The following CSNK1G1 variants were observed in gnomAD, a reference collection of about 807,000 sequenced individuals.
The protein encoded by CSNK1G1 is casein kinase 1 gamma 1.
Under a neutral mutation model 59.6 loss-of-function variants are expected in CSNK1G1, and 22 were observed. That is an observed-to-expected ratio of 0.37 (90% CI 0.26 to 0.53). The LOEUF is 0.53. Among genes scored for constraint, CSNK1G1 ranks in the 20% least tolerant of loss-of-function variants. The pLI is 0.89. For synonymous variants in CSNK1G1, 179 were observed against 177.1 expected (o/e 1.01, Z -0.08); for missense variants, 384 against 519.5 (o/e 0.74, Z 2.54).
intron 10 of CSNK1G1, among the ~76,000 whole-genome samples, chr15:64,194,471 C>T (rs1232415176): frequency 6.6e-6 from 1 of 150,604 alleles, no homozygotes; most frequent in African/African-American, 2.4e-5. Flanking sequence ...CATAACAGCA[C>T]AAAGCCACAA....
chr15:64,246,296 T>C (rs1185872996), intron 4 of CSNK1G1, among the ~76,000 whole-genome samples: 4 of 152,166 alleles, frequency 2.6e-5, no homozygotes. Context: ...TGAGATTTTG[T>C]TTTGACTACT....
intron 2 of CSNK1G1, among the ~76,000 whole-genome samples, chr15:64,296,295 A>G (rs1479107975): frequency 6.6e-6 from 1 of 151,962 alleles, no homozygotes; most frequent in Non-Finnish European, 1.5e-5. Context: ...TAATTTTTGT[A>G]TTTTTTGTAG....
chr15:64,201,707 TGTG>T (rs905316374), intron 10 of CSNK1G1, among the ~76,000 whole-genome samples: 1 of 7,054 alleles, frequency 1.4e-4, no homozygotes, highest in Non-Finnish European at 3.6e-4. Flanking sequence ...CCATTGGACA[TGTG>T]TGTGTGTGTG....
intron 11 of CSNK1G1, among the ~76,000 whole-genome samples, chr15:64,179,585 T>C (rs935908614): frequency 9.2e-5 from 14 of 152,208 alleles, no homozygotes; most frequent in Admixed American, 2.6e-4. Context: ...CCTGGTATCT[T>C]CTTGAAGTCT....
intron 3 of CSNK1G1, among the ~76,000 whole-genome samples, chr15:64,252,578 C>T (rs1053550056): frequency 6.6e-6 from 1 of 152,158 alleles, no homozygotes; most frequent in Non-Finnish European, 1.5e-5. Context: ...TATGTATACA[C>T]ACCCTCCCCA....
At position 64,168,499 on chromosome 15, in the gene CSNK1G1, G is replaced by GTTA. The variant is rs1173857845; in HGVS notation, c.*3431_*3432insTAA. On this transcript the variant is annotated 3_prime_UTR_variant, in exon 12 of 12. Coordinates refer to ENST00000303052, the MANE Select transcript of CSNK1G1 (RefSeq NM_022048.5). ...TGTGTGCCTCAAATCTGTTTAGGAT[G>GTTA]CAATGTCTGAGGGACTGTAGAGCTT... The GTTA allele has an allele frequency of 6.6e-6, 1 of 152,222 alleles. No homozygotes were observed. Among genetic ancestry groups the GTTA allele is most frequent in the Non-Finnish European group, 1.5e-5 (1 of 68,044 alleles). 9.4% of individuals were successfully genotyped at this position (152,222 alleles called of 1,614,324 possible). A position where few individuals can be genotyped will look rare whatever the true frequency, so the allele number is the denominator to read the frequency against.
At chr15:64,184,069 C>T (rs564958352) in intron 10 of CSNK1G1, among the ~76,000 whole-genome samples, 7 of 151,956 alleles carry the variant, frequency 4.6e-5, no homozygotes, top group Admixed American at 3.3e-4. Context: ...TTTGGGAGGC[C>T]GAGGTGGGCG....
chr15:64,297,591 A>C (rs1402250934), intron 2 of CSNK1G1, among the ~76,000 whole-genome samples: 2 of 152,044 alleles, frequency 1.3e-5, no homozygotes, highest in Admixed American at 1.3e-4. Context: ...CTAGCTATTA[A>C]GGAGGCTGAA....
chr15:64,175,979 G>A (rs2081736939), intron 11 of CSNK1G1, among the ~76,000 whole-genome samples: 2 of 152,218 alleles, frequency 1.3e-5, no homozygotes, highest in African/African-American at 4.8e-5. Context: ...TAATTTGGGA[G>A]AAAATTTACT....
intron 2 of CSNK1G1, among the ~76,000 whole-genome samples, chr15:64,296,782 T>C (rs1046743839): frequency 4.6e-5 from 7 of 151,808 alleles, no homozygotes; most frequent in African/African-American, 1.7e-4. Context: ...GAGAATCACT[T>C]GAACCCGGGA....
At chr15:64,332,650 T>G (rs1157430415) in intron 1 of CSNK1G1, among the ~76,000 whole-genome samples, 1 of 148,512 alleles carries the variant, frequency 6.7e-6, no homozygotes, top group South Asian at 2.1e-4. Flanking sequence ...AATGTGCACA[T>G]GTACCCTAAA....
chr15:64,241,972 GA>G (rs1891488736), intron 4 of CSNK1G1, among the ~76,000 whole-genome samples: 1 of 150,618 alleles, frequency 6.6e-6, no homozygotes, highest in South Asian at 2.1e-4. Context: ...GACTAACCAA[GA>G]AAAAAATGAG....
chr15:64,335,129 G>T (rs556280668), intron 1 of CSNK1G1, among the ~76,000 whole-genome samples: 1 of 152,310 alleles, frequency 6.6e-6, no homozygotes, highest in South Asian at 2.1e-4. Flanking sequence ...CACATCCTGT[G>T]TGAGAAGGGT....
intron 1 of CSNK1G1, among the ~76,000 whole-genome samples, chr15:64,312,251 T>C (rs1896036135): frequency 6.6e-6 from 1 of 152,118 alleles, no homozygotes; most frequent in Admixed American, 6.5e-5. Flanking sequence ...TGGAAAAAAC[T>C]ACTTTAAACT....
chr15:64,176,421 T>A lies in CSNK1G1; in HGVS notation c.1214+3927A>T. ...GTATGTGTCTGTGTTTAGTTTCTTC[T>A]TCTGTCAAGGTAGGCTGAGTAGGCC... is the stretch of plus-strand genomic sequence containing the variant. On this transcript the variant is annotated intron_variant, in intron 11 of 11. Coordinates refer to ENST00000303052, the MANE Select transcript of CSNK1G1 (RefSeq NM_022048.5). This position sits in a 1 kb window ranked among gnomAD's most constrained non-coding sequence, Gnocchi z 5.2. 2.5e-6 allele frequency: 1 copy of A among 396,390 alleles called. No individual in the cohort carries two copies. Among genetic ancestry groups the A allele is most frequent in the Non-Finnish European group, 4.4e-6 (1 of 225,062 alleles). 24.6% of individuals were successfully genotyped at this position (396,390 alleles called of 1,614,324 possible).
chr15:64,204,215 G>A (rs1448674309), intron 9 of CSNK1G1, among the ~76,000 whole-genome samples: 1 of 151,820 alleles, frequency 6.6e-6, no homozygotes, highest in Non-Finnish European at 1.5e-5. Context: ...GGACACACAA[G>A]TTATTATCTT....
At chr15:64,198,095 C>G (rs1445147172) in intron 10 of CSNK1G1, among the ~76,000 whole-genome samples, 1 of 151,258 alleles carries the variant, frequency 6.6e-6, no homozygotes, top group Non-Finnish European at 1.5e-5. Flanking sequence ...GGATGCTTAT[C>G]TGTTCTGCCT....
chr15:64,300,280 T>A (rs1190277068), intron 2 of CSNK1G1, 39 bp downstream of exon 2: 2 of 1,581,958 alleles, frequency 1.3e-6, no homozygotes, highest in African/African-American at 1.3e-5. Context: ...TCATAGGTAT[T>A]GTTGTTAGTA....
chr15:64,259,366 G>C, intron 2 of CSNK1G1, 125 bp from the exon 3 acceptor site: 1 of 636,726 alleles, frequency 1.6e-6, no homozygotes, highest in Non-Finnish European at 2.6e-6. Context: ...AATGAAACTT[G>C]ATTTATAAGC....
Sources: gnomAD v4.1 joint callset for allele counts (sites outside exome capture counted in the v4.1 genomes callset) on GRCh38, gnomAD v4.1.1 for gene constraint, Gnocchi (gnomAD v3.1) non-coding constraint, MANE v1.5 for transcripts, NCBI Gene and HGNC (gene_info 2026-07-23, HGNC 2026-07-21) for gene names.